CDC14B: variants seen among roughly 807,000 people sequenced by gnomAD.
The protein encoded by CDC14B is dual specificity protein phosphatase CDC14B.
CDC14B carries 22 observed loss-of-function variants against 64.2 expected under a neutral mutation model. The ratio of observed to expected loss-of-function variants is 0.34; its 90% CI spans 0.24 to 0.49. The LOEUF is 0.49. Among genes scored for constraint, CDC14B ranks in the 20% least tolerant of loss-of-function variants. The pLI is 0.99. For synonymous variants in CDC14B, 191 were observed against 215.8 expected (o/e 0.89, Z 1.01); for missense variants, 498 against 629.9 (o/e 0.79, Z 2.24).
At chr9:96,562,444 AT>A in intron 4 of CDC14B, 2 of 425,442 alleles carry the variant, frequency 4.7e-6, no homozygotes, top group Non-Finnish European at 8.5e-6. Flanking sequence ...TTTTAAAAAA[AT>A]ATAGGCTTTT....
chr9:96,563,462 C>A (rs1452250132), intron 3 of CDC14B, among the ~76,000 whole-genome samples: 1 of 151,948 alleles, frequency 6.6e-6, no homozygotes, highest in African/African-American at 2.4e-5. Context: ...ACCAGCCTGA[C>A]CAACATGGAG....
At chr9:96,504,034 C>A (rs1587714432) in intron 13 of CDC14B, among the ~76,000 whole-genome samples, 1 of 152,074 alleles carries the variant, frequency 6.6e-6, no homozygotes, top group African/African-American at 2.4e-5. Context: ...TTTAAAAAAA[C>A]CAATACGAGT....
chr9:96,552,240 G>C (rs1238592547), intron 4 of CDC14B, among the ~76,000 whole-genome samples: 1 of 152,220 alleles, frequency 6.6e-6, no homozygotes, highest in African/African-American at 2.4e-5. Context: ...GTAGGAGATG[G>C]GGATGGGGTT....
intron 1 of CDC14B, among the ~76,000 whole-genome samples, chr9:96,603,790 AT>A (rs140938236): frequency 4.8e-4 from 73 of 152,342 alleles, no homozygotes; most frequent in Non-Finnish European, 9.0e-4. Context: ...CAAGATTTTA[AT>A]AAAGAGAGGA....
At position 96,500,696 on chromosome 9, in the gene CDC14B, T is replaced by C. The variant is rs1833491297; in HGVS notation, c.*3057A>G. On this transcript the variant is annotated 3_prime_UTR_variant, in exon 14 of 14. Coordinates refer to ENST00000375241, the MANE Select transcript of CDC14B (RefSeq NM_033331.4). ...TTTAAAGGAACAATAAAATAGGTTT[T>C]AAAAGTTGCTTTTGATGAGCACTGC... 1 of 152,562 alleles carries C rather than the reference T, an allele frequency of 6.6e-6. No homozygotes were observed. Among genetic ancestry groups the C allele is most frequent in the Admixed American group, 6.5e-5 (1 of 15,282 alleles). The allele number at this position is 152,562 out of a possible 1,614,324, so 9.5% of individuals were successfully genotyped here.
intron 1 of CDC14B, among the ~76,000 whole-genome samples, chr9:96,588,548 G>A (rs1406763058): frequency 3.3e-5 from 5 of 152,150 alleles, no homozygotes; most frequent in Admixed American, 1.3e-4. Context: ...GCGCAGTGGC[G>A]TAATCAAGGC....
At chr9:96,554,944 C>G (rs1842302840) in intron 4 of CDC14B, among the ~76,000 whole-genome samples, 1 of 152,206 alleles carries the variant, frequency 6.6e-6, no homozygotes, top group Non-Finnish European at 1.5e-5. Context: ...TATCACCGTG[C>G]TTCTGGCAGT....
chr9:96,491,694 C>A (rs1833099846), exon 14 of CDC14B: 1 of 152,174 alleles, frequency 6.6e-6, no homozygotes, highest in African/African-American at 2.4e-5. Context: ...AAGAAACTTT[C>A]CTTTAGTGTT....
intron 13 of CDC14B, among the ~76,000 whole-genome samples, chr9:96,507,592 T>G (rs1834336720): frequency 6.6e-6 from 1 of 151,958 alleles, no homozygotes; most frequent in African/African-American, 2.4e-5. Context: ...ATTTTTGTAT[T>G]TTTAGTAGAG....
chr9:96,496,741 G>A (rs1040119055), downstream of CDC14B, among the ~76,000 whole-genome samples: 3 of 152,324 alleles, frequency 2.0e-5, no homozygotes, highest in African/African-American at 7.2e-5. Flanking sequence ...ACCCGCTCCC[G>A]GGGAGCCCGT....
chr9:96,518,547 T>A (rs1836115086), intron 12 of CDC14B, among the ~76,000 whole-genome samples: 1 of 152,000 alleles, frequency 6.6e-6, no homozygotes. Context: ...AGGCATCCTA[T>A]ATTGTGGAAA....
rs766334191 is a variant in CDC14B, at chr9:96,522,505, C to T, written c.1343+1G>A. ...ACCACAACAAAGGAACCCAGACTCA[C>T]GTGAGAGGAATAGCGTTTGTTTTGG... On this transcript the variant is annotated splice_donor_variant, in intron 12 of 13. Coordinates refer to ENST00000375241, the MANE Select transcript of CDC14B (RefSeq NM_033331.4). LOFTEE classifies it high-confidence loss of function. 5 of 1,600,560 alleles carry T rather than the reference C, an allele frequency of 3.1e-6. No individual in the cohort carries two copies. Among genetic ancestry groups the T allele is most frequent in the Middle Eastern group, 1.7e-4 (1 of 6,042 alleles).
intron 1 of CDC14B, among the ~76,000 whole-genome samples, chr9:96,595,802 A>G (rs921609022): frequency 2.6e-5 from 4 of 152,172 alleles, no homozygotes; most frequent in Non-Finnish European, 5.9e-5. Context: ...CCTGGCTGGG[A>G]GAGGTGAGGG....
intron 5 of CDC14B, among the ~76,000 whole-genome samples, chr9:96,548,525 G>A (rs1001652862): frequency 6.6e-6 from 1 of 151,938 alleles, no homozygotes; most frequent in African/African-American, 2.4e-5. Context: ...AAAACTCAGT[G>A]GTTAAAGAAG....
At chr9:96,548,372 C>G (rs749262692) in intron 5 of CDC14B, among the ~76,000 whole-genome samples, 6 of 152,092 alleles carry the variant, frequency 3.9e-5, no homozygotes, top group Non-Finnish European at 8.8e-5. Flanking sequence ...CTGTTCATAA[C>G]AATGATCCTA....
chr9:96,549,537 C>T (rs537728834), intron 5 of CDC14B, among the ~76,000 whole-genome samples: 6 of 152,092 alleles, frequency 3.9e-5, no homozygotes, highest in Admixed American at 2.6e-4. Flanking sequence ...TGGTGGCACA[C>T]GCCTGTAGTC....
chr9:96,551,684 C>T (rs1841868109), intron 5 of CDC14B, 112 bp downstream of exon 5: 14 of 1,420,130 alleles, frequency 9.9e-6, no homozygotes, highest in South Asian at 3.8e-5. Flanking sequence ...GTGTTATTTG[C>T]GCTCATCCTA....
intron 9 of CDC14B, among the ~76,000 whole-genome samples, chr9:96,524,105 T>C (rs1397634321): frequency 6.6e-6 from 1 of 152,162 alleles, no homozygotes; most frequent in East Asian, 1.9e-4. Flanking sequence ...AGCCGGCTAA[T>C]GTCTGTATTT....
intron 3 of CDC14B, among the ~76,000 whole-genome samples, chr9:96,563,887 A>C (rs1298152374): frequency 2.0e-5 from 3 of 152,218 alleles, no homozygotes; most frequent in Non-Finnish European, 4.4e-5. Flanking sequence ...TCAAATGCAC[A>C]AGGCCATAAA....
Sources: gnomAD v4.1 joint callset for allele counts (sites outside exome capture counted in the v4.1 genomes callset) on GRCh38, gnomAD v4.1.1 for gene constraint, MANE v1.5 for transcripts, NCBI Gene and HGNC (gene_info 2026-07-23, HGNC 2026-07-21) for gene names.